HDLBP: variants seen among roughly 807,000 people sequenced by gnomAD.
The protein encoded by HDLBP is vigilin.
Under a neutral mutation model 137.3 loss-of-function variants are expected in HDLBP, and 30 were observed. The observed-to-expected ratio is 0.22, with a 90% CI of 0.16 to 0.30. HDLBP has a LOEUF of 0.30. HDLBP is among the 10% of genes least tolerant of loss of function. The pLI, the probability that HDLBP is intolerant of heterozygous loss-of-function variation, is 1.00. For missense variants in HDLBP, 1,119 were observed against 1,667.3 expected, an observed-to-expected ratio of 0.67 and a Z score of 5.73; for synonymous variants, 606 against 596.0, an observed-to-expected ratio of 1.02 and a Z score of -0.24.
chr2:241,275,287 G>A (rs978696998), intron 1 of HDLBP, among the ~76,000 whole-genome samples: 9 of 152,224 alleles, frequency 5.9e-5, no homozygotes, highest in Admixed American at 6.5e-5. Context: ...CAAAAAGAAG[G>A]AAGGATGGAT....
rs749361128 is a variant in HDLBP at position 241,256,606 on chromosome 2, G to C, written c.651C>G (p.Ala217=). 1 of 1,613,724 alleles carries C rather than the reference G, an allele frequency of 6.2e-7. No individual in the cohort carries two copies. Among genetic ancestry groups the C allele is most frequent in the African/African-American group, 1.3e-5 (1 of 75,040 alleles). ...KARHEVLLIS[A]EQDKRAVERL... ...GCACTCACACAGGCCTCACCTGCTC[G>C]GCAGAGATGAGTAAGACTTCATGGC... The change falls in exon 6 of 28, where the codon GCC becomes GCG. Residue 217 remains alanine, a synonymous_variant. Transcript: ENST00000310931.
At chr2:241,311,830 G>T (rs777369658) in intron 1 of HDLBP, among the ~76,000 whole-genome samples, 19 of 152,162 alleles carry the variant, frequency 1.2e-4, no homozygotes, top group African/African-American at 1.9e-4. Context: ...CCAAATTAAG[G>T]ATATATCACT....
At chr2:241,253,598 ACTGCTT>A (rs2072378045) in intron 9 of HDLBP, 101 bp from the exon 10 acceptor site, 1 of 761,472 alleles carries the variant, frequency 1.3e-6, no homozygotes, top group South Asian at 1.5e-5. Context: ...CTGATCCCAA[ACTGCTT>A]CACATAGATG....
intron 1 of HDLBP, among the ~76,000 whole-genome samples, chr2:241,309,467 TAAG>T (rs2075696607): frequency 6.6e-6 from 1 of 152,102 alleles, no homozygotes; most frequent in East Asian, 1.9e-4. Context: ...AGAATAGAGA[TAAG>T]AACATTAAAA....
At chr2:241,257,399 A>G (rs2072730122) in intron 5 of HDLBP, among the ~76,000 whole-genome samples, 1 of 152,110 alleles carries the variant, frequency 6.6e-6, no homozygotes, top group Admixed American at 6.5e-5. Context: ...TGCCCAGCTA[A>G]TTTTTATATT....
intron 16 of HDLBP, 103 bp from the exon 17 acceptor site, chr2:241,242,781 C>G (rs1371149440): frequency 9.6e-7 from 1 of 1,040,386 alleles, no homozygotes; most frequent in Non-Finnish European, 1.4e-6. Flanking sequence ...ACACGCAGGC[C>G]TAGAGCCCTG....
chr2:241,268,108 G>T (rs181871735), intron 2 of HDLBP, among the ~76,000 whole-genome samples: 1 of 152,212 alleles, frequency 6.6e-6, no homozygotes, highest in Non-Finnish European at 1.5e-5. Flanking sequence ...AAGTAATAAG[G>T]AGTGAATTTT....
chr2:241,300,277 C>A (rs930918383), intron 1 of HDLBP, among the ~76,000 whole-genome samples: 4 of 152,146 alleles, frequency 2.6e-5, no homozygotes, highest in African/African-American at 9.7e-5. Context: ...GCCACTAGCA[C>A]TGCTGAGCCC....
Position 241,315,580 on chromosome 2 carries a change from C to CT in HDLBP, c.-114dup, listed in dbSNP as rs1228199821. 1.3e-5 allele frequency: 2 copies of CT among 152,304 alleles called. No individual in the cohort carries two copies. The highest frequency in any genetic ancestry group is 4.8e-5 in the African/African-American group (2 of 41,452). 9.4% of individuals were successfully genotyped at this position (152,304 alleles called of 1,614,324 possible). A position where few individuals can be genotyped will look rare whatever the true frequency, so the allele number is the denominator to read the frequency against. ...GAAGATTCTCATTACCTGTTCCACT[C>CT]TTATAAGCATAAGAAAACCGAGCTC... On this transcript the variant is annotated 5_prime_UTR_variant, in exon 1 of 28. It removes the in-frame stop codon of an upstream open reading frame in the 5' UTR. Coordinates refer to ENST00000310931, the MANE Select transcript of HDLBP (RefSeq NM_005336.6).
chr2:241,265,781 G>A (rs1165455548), intron 3 of HDLBP, among the ~76,000 whole-genome samples: 1 of 152,150 alleles, frequency 6.6e-6, no homozygotes, highest in African/African-American at 2.4e-5. Flanking sequence ...ACCCGACAGC[G>A]CTGACAGGAC....
chr2:241,293,932 A>AC (rs1408565213), intron 1 of HDLBP, among the ~76,000 whole-genome samples: 1 of 151,894 alleles, frequency 6.6e-6, no homozygotes, highest in Non-Finnish European at 1.5e-5. Context: ...AAAAAAAAAA[A>AC]AAAACAAAAA....
intron 7 of HDLBP, 142 bp downstream of exon 7, chr2:241,256,042 G>T: frequency 1.4e-6 from 1 of 715,112 alleles, no homozygotes; most frequent in Non-Finnish European, 2.4e-6. Flanking sequence ...ATCTCACCCG[G>T]GTCACTCAAG....
At chr2:241,276,655 A>G (rs2074397590) in intron 1 of HDLBP, among the ~76,000 whole-genome samples, 2 of 152,210 alleles carry the variant, frequency 1.3e-5, no homozygotes, top group Non-Finnish European at 2.9e-5. Flanking sequence ...TAACCATATG[A>G]AAGTTGGTTA....
chr2:241,302,669 T>C (rs2075434718), intron 1 of HDLBP: 1 of 152,390 alleles, frequency 6.6e-6, no homozygotes. Flanking sequence ...TCTGGTCCTT[T>C]TGGGATAAGA....
intron 1 of HDLBP, chr2:241,271,267 T>C (rs59624055): frequency 0.017 from 6,469 of 376,292 alleles, 197 homozygotes; most frequent in African/African-American, 0.084. Context: ...AACCTCAAAC[T>C]ATACTGAACC....
chr2:241,245,283 A>T (rs917656211), intron 16 of HDLBP, among the ~76,000 whole-genome samples: 19 of 151,800 alleles, frequency 1.3e-4, no homozygotes, highest in African/African-American at 4.4e-4. Context: ...TCCCAGGCTC[A>T]AGCCATCCTC....
intron 1 of HDLBP, among the ~76,000 whole-genome samples, chr2:241,295,833 G>C (rs2075157265): frequency 6.6e-6 from 1 of 152,154 alleles, no homozygotes; most frequent in Non-Finnish European, 1.5e-5. Context: ...TGCAAGCCAA[G>C]GACTGTGGGG....
chr2:241,277,565 A>G (rs1386474801), intron 1 of HDLBP, among the ~76,000 whole-genome samples: 10 of 152,362 alleles, frequency 6.6e-5, no homozygotes, highest in African/African-American at 1.9e-4. Context: ...AAACTCGAAA[A>G]CAGATGAAAT....
intron 24 of HDLBP, among the ~76,000 whole-genome samples, chr2:241,232,105 C>T (rs376928606): frequency 1.3e-5 from 2 of 152,154 alleles, no homozygotes; most frequent in East Asian, 1.9e-4. Context: ...CCCCACCCAC[C>T]GTGGCCCAGC....
Sources: gnomAD v4.1 joint callset for allele counts (sites outside exome capture counted in the v4.1 genomes callset) on GRCh38, gnomAD v4.1.1 for gene constraint, MANE v1.5 for transcripts, NCBI Gene and HGNC (gene_info 2026-07-23, HGNC 2026-07-21) for gene names.